The following PLEKHG1 variants were observed in gnomAD, a reference collection of about 807,000 sequenced individuals.
PLEKHG1 encodes pleckstrin homology domain-containing family G member 1.
PLEKHG1 carries 44 observed loss-of-function variants against 100.8 expected under a neutral mutation model. The ratio of observed to expected loss-of-function variants is 0.44; its 90% confidence interval spans 0.34 to 0.56. PLEKHG1 has a LOEUF of 0.56. Ranked by LOEUF, PLEKHG1 falls within the 20% of genes least tolerant of loss-of-function variation. The pLI is 0.01. For missense variants in PLEKHG1, 1,545 were observed against 1,720.9 expected, an observed-to-expected ratio of 0.90 and a Z score of 1.81; for synonymous variants, 640 against 662.5, an observed-to-expected ratio of 0.97 and a Z score of 0.52.
chr6:150,697,452 G>T (rs560486508), intron 3 of PLEKHG1, among the ~76,000 whole-genome samples: 7 of 152,188 alleles, frequency 4.6e-5, no homozygotes, highest in East Asian at 1.9e-4. Context: ...AACCCTGAGT[G>T]GGGGAGATTT....
chr6:150,828,045 G>C, intron 14 of PLEKHG1: 2 of 1,613,004 alleles, frequency 1.2e-6, no homozygotes, highest in Non-Finnish European at 1.7e-6. Flanking sequence ...TCCCCTCTGT[G>C]CCCTGATAAA....
chr6:150,609,713 G>A (rs368233710), intron 1 of PLEKHG1, among the ~76,000 whole-genome samples: 6 of 152,316 alleles, frequency 3.9e-5, no homozygotes, highest in Admixed American at 1.3e-4. Context: ...GAGCTGTCAT[G>A]GAAAGTTCTG....
chr6:150,826,497 G>A (rs1451121145), intron 14 of PLEKHG1, among the ~76,000 whole-genome samples: 1 of 152,120 alleles, frequency 6.6e-6, no homozygotes, highest in African/African-American at 2.4e-5. Context: ...TTGTTAAATA[G>A]CTCAAATGCT....
At chr6:150,813,259 C>A (rs1170209198) in intron 10 of PLEKHG1, among the ~76,000 whole-genome samples, 1 of 148,746 alleles carries the variant, frequency 6.7e-6, no homozygotes, top group African/African-American at 2.5e-5. Context: ...GAGCCGAGAT[C>A]ACGCCACTGC....
chr6:150,742,564 CAAAAAAAAAAAAA>C (rs58003146), intron 2 of PLEKHG1, among the ~76,000 whole-genome samples: 8 of 48,368 alleles, frequency 1.7e-4, no homozygotes, highest in African/African-American at 1.7e-4. Flanking sequence ...GACTCCATCT[CAAAAAAAAAAAAA>C]AAAAAAAAAA....
chr6:150,649,147 G>A (rs565186940), intron 2 of PLEKHG1, among the ~76,000 whole-genome samples: 2 of 151,992 alleles, frequency 1.3e-5, no homozygotes, highest in Admixed American at 6.5e-5. Flanking sequence ...AAAAGTACTC[G>A]TGTTACAAAT....
chr6:150,733,665 C>T, exon 2 of PLEKHG1: 1 of 1,614,146 alleles, frequency 6.2e-7, no homozygotes, highest in African/African-American at 1.3e-5. Context: ...CGTTCCTGCC[C>T]TCAAGAACTG....
intron 2 of PLEKHG1, among the ~76,000 whole-genome samples, chr6:150,754,815 T>C (rs1267086714): frequency 1.3e-5 from 2 of 151,870 alleles, no homozygotes; most frequent in Non-Finnish European, 2.9e-5. Flanking sequence ...ATTACAGGCA[T>C]GCACCACCAC....
exon 8 of PLEKHG1, chr6:150,809,214 T>C: frequency 6.2e-7 from 1 of 1,614,176 alleles, no homozygotes; most frequent in Non-Finnish European, 8.5e-7. Context: ...GAGCGGACGC[T>C]CTTCCTCTTC....
intron 3 of PLEKHG1, among the ~76,000 whole-genome samples, chr6:150,665,091 A>G (rs1779346537): frequency 6.6e-6 from 1 of 152,144 alleles, no homozygotes; most frequent in African/African-American, 2.4e-5. Flanking sequence ...AGACCAATAT[A>G]GGTGATCTGG....
intron 3 of PLEKHG1, among the ~76,000 whole-genome samples, chr6:150,702,791 G>A (rs1582969502): frequency 1.3e-5 from 2 of 152,266 alleles, no homozygotes; most frequent in East Asian, 3.9e-4. Context: ...GAACCTGGCA[G>A]TCTCCATAAT....
chr6:150,708,746 C>T (rs961339621), intron 3 of PLEKHG1, among the ~76,000 whole-genome samples: 1 of 152,210 alleles, frequency 6.6e-6, no homozygotes, highest in Non-Finnish European at 1.5e-5. Flanking sequence ...GTACAGTTAG[C>T]TCAGCTGCTG....
At chr6:150,667,297 AT>A (rs1340040268) in intron 3 of PLEKHG1, among the ~76,000 whole-genome samples, 4 of 152,116 alleles carry the variant, frequency 2.6e-5, no homozygotes, top group Non-Finnish European at 5.9e-5. Context: ...TGCGGACATA[AT>A]TTTTTTAAAA....
At chr6:150,601,178 A>G (rs2128548533) in intron 1 of PLEKHG1, among the ~76,000 whole-genome samples, 1 of 152,360 alleles carries the variant, frequency 6.6e-6, no homozygotes, top group Non-Finnish European at 1.5e-5. Flanking sequence ...ATGCGGTACA[A>G]TAACAACCAG....
intron 3 of PLEKHG1, among the ~76,000 whole-genome samples, chr6:150,772,566 C>A (rs1295177812): frequency 6.6e-6 from 1 of 152,184 alleles, no homozygotes; most frequent in Non-Finnish European, 1.5e-5. Context: ...CTGCAGTGAG[C>A]TATGATGGCA....
rs1194169379 is a variant in PLEKHG1, at chr6:150,611,984, C to A, written c.-204+11967C>A. Among the ~76,000 whole-genome samples the A allele has an allele frequency of 4.6e-5, 7 of 151,846 alleles. No homozygotes were observed. In the East Asian group the frequency reaches 1.4e-3, roughly 29 times the overall value. On this transcript the variant is annotated intron_variant, in intron 1 of 3. Coordinates refer to the PLEKHG1 transcript ENST00000367326. The stretch of plus-strand genomic sequence containing the variant: ...CTTTTGCACAATTGACTCAAAGTCA[C>A]CACCCATAACTGGACTCATAATCTC...
chr6:150,773,110 A>T (rs10080991), intron 3 of PLEKHG1, among the ~76,000 whole-genome samples: 6 of 151,958 alleles, frequency 3.9e-5, no homozygotes, highest in South Asian at 2.1e-4. Flanking sequence ...AATATACTCT[A>T]TTTTTTTCTA....
chr6:150,683,611 T>G lies in PLEKHG1; in HGVS notation c.-99+32825T>G. ...GTCACGGTCATCACTTAGCTTCCTG[T>G]TGGGGAAAACCTTGGACACTGTGCA... is the stretch of plus-strand genomic sequence containing the variant. On this transcript the variant is annotated intron_variant, in intron 3 of 3. Coordinates refer to the PLEKHG1 transcript ENST00000367326. The surrounding 1 kb of genome is among the most constrained non-coding windows in gnomAD (Gnocchi z 4.0). The G allele has an allele frequency of 3.0e-6, 1 of 335,092 alleles. No homozygotes were observed. Among genetic ancestry groups the G allele is most frequent in the Non-Finnish European group, 5.7e-6 (1 of 175,648 alleles). The allele number at this position is 335,092 out of a possible 1,614,324, so 20.8% of individuals were successfully genotyped here. A position where few individuals can be genotyped will look rare whatever the true frequency, so the allele number is the denominator to read the frequency against.
chr6:150,726,726 T>C (rs1781981856), intron 1 of PLEKHG1, among the ~76,000 whole-genome samples: 2 of 152,146 alleles, frequency 1.3e-5, no homozygotes, highest in African/African-American at 4.8e-5. Context: ...GAAAATCATG[T>C]TCCCTGAATT....
Sources: allele counts gnomAD v4.1 joint callset (sites outside exome capture counted in the v4.1 genomes callset), GRCh38; gene constraint gnomAD v4.1.1; non-coding constraint Gnocchi (gnomAD v3.1); transcripts MANE v1.5; gene names NCBI Gene and HGNC (gene_info 2026-07-23, HGNC 2026-07-21).